CYFIP1: variants seen among roughly 807,000 people sequenced by gnomAD.
The protein encoded by CYFIP1 is cytoplasmic FMR1-interacting protein 1.
CYFIP1 carries 58 observed loss-of-function variants against 163.5 expected under a neutral mutation model. The observed-to-expected ratio is 0.35, with a 90% CI of 0.29 to 0.44. CYFIP1 has a LOEUF of 0.44. Ranked by LOEUF, CYFIP1 falls within the 20% of genes least tolerant of loss-of-function variation. CYFIP1 has a pLI of 1.00. For synonymous variants in CYFIP1, 663 were observed against 660.7 expected (o/e 1.00, Z -0.05); for missense variants, 1,338 against 1,653.8 (o/e 0.81, Z 3.31).
chr15:22,928,788 G>T (rs149173850), intron 11 of CYFIP1, among the ~76,000 whole-genome samples: 1 of 152,270 alleles, frequency 6.6e-6, no homozygotes, highest in East Asian at 1.9e-4. Context: ...TTAGGACACA[G>T]AATTAAATGA....
intron 1 of CYFIP1, among the ~76,000 whole-genome samples, chr15:22,965,399 T>C (rs2062870404): frequency 6.6e-6 from 1 of 152,168 alleles, no homozygotes; most frequent in Non-Finnish European, 1.5e-5. Context: ...GCAGAGGTTG[T>C]GGTGAGCTGA....
chr15:22,892,845 T>G (rs2060117815), intron 23 of CYFIP1, 45 bp downstream of exon 23: 1 of 1,411,448 alleles, frequency 7.1e-7, no homozygotes, highest in East Asian at 2.3e-5. Flanking sequence ...AAAACATGCT[T>G]CATTATGAGC....
chr15:22,971,632 C>T (rs1003822587), intron 1 of CYFIP1, among the ~76,000 whole-genome samples: 3 of 150,478 alleles, frequency 2.0e-5, no homozygotes, highest in East Asian at 1.9e-4. Flanking sequence ...GCCAAGATTG[C>T]GCCATTGCAC....
At position 22,903,868 on chromosome 15, in the gene CYFIP1, T is replaced by C. The variant is rs746995629; in HGVS notation, c.2426A>G (p.His809Arg). The change falls in exon 22 of 31, where the codon CAC (histidine) becomes CGC (arginine). Residue 809 changes from histidine to arginine, a missense_variant. Around this residue, in one of 4 missense-constraint regions of CYFIP1, gnomAD observed 824 missense variants for 995.7 expected, o/e 0.83. Coordinates refer to ENST00000617928, the MANE Select transcript of CYFIP1 (RefSeq NM_014608.6). ...DGLLEINRMT[H>R]KLLSRYLTLD... ...CGTCAGGTACCGGCTCAGCAGCTTG[T>C]GGGTCATGCGGTTGATTTCCAACAG... 4.3e-6 allele frequency: 7 copies of C among 1,614,002 alleles called. No homozygotes were observed. The African/African-American group carries it at 8.0e-5, about 18-fold the overall frequency.
At position 22,880,023 on chromosome 15, in the gene CYFIP1, G is replaced by A. The variant is rs1566920518; in HGVS notation, c.2932C>T (p.His978Tyr). Residue 978 changes from histidine (H) to tyrosine (Y), a missense_variant, in exon 26 of 31, where the codon CAC becomes TAC. Physicochemically the swap from His to Tyr is moderately conservative, Grantham distance 83. Coordinates refer to ENST00000617928, the MANE Select transcript of CYFIP1 (RefSeq NM_014608.6). ...GSPGILEFFH[H>Y]QLKDIVEYAE... ...TACTCCACGATGTCCTTCAGCTGGTGGTGGAAGAACTCCAGGATACCTACG... is the reference window on the plus strand; with the variant it reads ...TACTCCACGATGTCCTTCAGCTGGTAGTGGAAGAACTCCAGGATACCTACG... 2.5e-6 allele frequency: 4 copies of A among 1,613,948 alleles called. No individual in the cohort carries two copies. Among genetic ancestry groups the A allele is most frequent in the Non-Finnish European group, 3.4e-6 (4 of 1,179,976 alleles).
chr15:22,875,168 T>C (rs1566913073), intron 27 of CYFIP1, 31 bp downstream of exon 27: 1 of 1,608,592 alleles, frequency 6.2e-7, no homozygotes, highest in East Asian at 2.2e-5. Context: ...GAGGGCAGTC[T>C]GGACTCCCTG....
chr15:22,939,913 G>A (rs938594117), intron 6 of CYFIP1, among the ~76,000 whole-genome samples: 7 of 152,148 alleles, frequency 4.6e-5, no homozygotes, highest in South Asian at 2.1e-4. Context: ...CCATGAAGCC[G>A]GCCAGCACTG....
intron 23 of CYFIP1, among the ~76,000 whole-genome samples, chr15:22,886,804 C>T (rs1267122920): frequency 1.3e-5 from 2 of 152,060 alleles, no homozygotes; most frequent in African/African-American, 2.4e-5. Flanking sequence ...TCCTGTTGGT[C>T]GATGGTGGTG....
In CYFIP1 at chr15:22,912,121, AAG is replaced by A. The variant is rs774090605; in HGVS notation, c.2082+56_2082+57del. On this transcript the variant is annotated intron_variant, in intron 18 of 30. Transcript: ENST00000617928. ...AGTTGAATACTTGGGAGAAAACAAA[AAG>A]AGAAAGGAGATTTAATTGAAGGAAA... 7 of 1,455,280 alleles carry A rather than the reference AAG, an allele frequency of 4.8e-6. No homozygotes were observed. In the South Asian group the frequency reaches 8.5e-5, roughly 18 times the overall value. The allele number at this position is 1,455,280 out of a possible 1,614,324, so 90.1% of individuals were successfully genotyped here.
chr15:22,929,077 G>A (rs1223221624), intron 11 of CYFIP1, among the ~76,000 whole-genome samples: 2 of 151,830 alleles, frequency 1.3e-5, no homozygotes, highest in Non-Finnish European at 2.9e-5. Flanking sequence ...AAAAGTAGCT[G>A]GGCGTGGTGC....
rs1595491064 is a variant in CYFIP1, at chr15:22,875,890, A to ACATATATATATATATATATATATG, written c.3043-620_3043-619insCATATATATATATATATATATATG. Among the ~76,000 whole-genome samples the ACATATATATATATATATATATATG allele has an allele frequency of 1.3e-3, 178 of 133,112 alleles. 17 individuals are homozygous for ACATATATATATATATATATATATG. Among genetic ancestry groups the ACATATATATATATATATATATATG allele is most frequent in the African/African-American group, 5.3e-3 (164 of 31,166 alleles). 87.3% of individuals were successfully genotyped at this position (133,112 alleles called of 152,430 possible). A position where few individuals can be genotyped will look rare whatever the true frequency, so the allele number is the denominator to read the frequency against. On this transcript the variant is annotated intron_variant, in intron 26 of 30. Coordinates refer to ENST00000617928, the MANE Select transcript of CYFIP1 (RefSeq NM_014608.6). ...AGGTCCGTTCTCCAGAATAACATAT[A>ACATATATATATATATATATATATG]TATATATAAAGAAAATGTACCTCCA...
intron 3 of CYFIP1, 77 bp downstream of exon 3, chr15:22,946,925 TA>T (rs2062082598): frequency 1.6e-6 from 2 of 1,240,388 alleles, no homozygotes; most frequent in Non-Finnish European, 2.4e-6. Flanking sequence ...TCTATTGGGA[TA>T]ATACCAAAAA....
chr15:22,937,118 C>T lies in CYFIP1; in HGVS notation c.886G>A (p.Asp296Asn), dbSNP rs144745513. 1 of 1,605,714 alleles carries T rather than the reference C, an allele frequency of 6.2e-7. No homozygotes were observed. The highest frequency in any genetic ancestry group is 8.5e-7 in the Non-Finnish European group (1 of 1,172,408). ...AKKRINLSKI[D>N]KYFKQLQVVP... ...ATGTAACTCACCTTGAAGTACTTGT[C>T]GATTTTGGATAAGTTTATTCTTTTC... is the stretch of plus-strand genomic sequence containing the variant. Residue 296 changes from aspartate to asparagine, a missense_variant, in exon 9 of 31, where the codon GAC becomes AAC. By Grantham distance (23) the Asp-to-Asn change is conservative (BLOSUM62 1). Coordinates refer to ENST00000617928, the MANE Select transcript of CYFIP1 (RefSeq NM_014608.6).
chr15:22,953,862 T>C (rs7168950), intron 1 of CYFIP1, among the ~76,000 whole-genome samples: 2,231 of 152,200 alleles, frequency 0.015, 56 homozygotes, highest in African/African-American at 0.051. Flanking sequence ...GAGACCATCC[T>C]GGCTAATACA....
chr15:22,899,461 T>C (rs1036806810), intron 22 of CYFIP1, among the ~76,000 whole-genome samples: 3 of 152,282 alleles, frequency 2.0e-5, no homozygotes, highest in African/African-American at 7.2e-5. Context: ...GGTAACTGAA[T>C]AATGGGGGCA....
chr15:22,898,871 C>T (rs925928047), intron 22 of CYFIP1, among the ~76,000 whole-genome samples: 4 of 151,888 alleles, frequency 2.6e-5, no homozygotes, highest in African/African-American at 7.3e-5. Flanking sequence ...GGCGTGGTGG[C>T]GGGCGACTAT....
At chr15:22,884,865 G>A (rs1485124218) in intron 23 of CYFIP1, among the ~76,000 whole-genome samples, 1 of 151,622 alleles carries the variant, frequency 6.6e-6, no homozygotes, top group East Asian at 1.9e-4. Flanking sequence ...CTTGGGGCTT[G>A]CACCCTCTGA....
Position 22,867,225 on chromosome 15 carries a change from G to A in CYFIP1, c.*2803C>T, listed in dbSNP as rs928632193. On this transcript the variant is annotated 3_prime_UTR_variant, in exon 31 of 31. Coordinates refer to ENST00000617928, the MANE Select transcript of CYFIP1 (RefSeq NM_014608.6). ...ACTCCATCAATCCCTGACCATGTAA[G>A]GCTTTTTTATTTTAAAAAAACAGAG... 20 of 404,620 alleles carry A rather than the reference G, an allele frequency of 4.9e-5. 1 individual carries two copies. The East Asian group carries it at 6.7e-4, about 14-fold the overall frequency. 25.1% of individuals were successfully genotyped at this position (404,620 alleles called of 1,614,324 possible).
chr15:22,939,556 T>TA lies in CYFIP1; in HGVS notation c.570-50_570-49insT, dbSNP rs1567003004. 7.5e-3 allele frequency: 3,095 copies of TA among 409,976 alleles called. 43 individuals carry two copies. Among genetic ancestry groups the TA allele is most frequent in the East Asian group, 0.02 (480 of 24,450 alleles). The allele number at this position is 409,976 out of a possible 1,614,324, so 25.4% of individuals were successfully genotyped here. A position where few individuals can be genotyped will look rare whatever the true frequency, so the allele number is the denominator to read the frequency against. ...CCCAAAATGCACCAACGTGCCACAT[T>TA]TAAAAAAAAAAAAAAAAAAAAAAAA... On this transcript the variant is annotated intron_variant, in intron 6 of 30. Transcript: ENST00000617928.
Sources: gnomAD v4.1 joint callset for allele counts (sites outside exome capture counted in the v4.1 genomes callset) on GRCh38, gnomAD v4.1.1 for gene constraint, gnomAD v4.1.1 regional missense constraint, MANE v1.5 for transcripts, NCBI Gene and HGNC (gene_info 2026-07-23, HGNC 2026-07-21) for gene names.